The following TANC2 variants were observed in gnomAD, a reference collection of about 807,000 sequenced individuals.
TANC2 encodes the protein protein TANC2.
TANC2 carries 26 observed loss-of-function variants against 210.5 expected under a neutral mutation model. That is an observed-to-expected ratio of 0.12 (90% CI 0.09 to 0.17). The LOEUF (loss-of-function observed/expected upper bound fraction) is 0.17, where lower values mean the gene tolerates loss of function less well. Among genes scored for constraint, TANC2 ranks in the 10% least tolerant of loss-of-function variants. The probability of loss-of-function intolerance (pLI) is 1.00; values close to 1 mark genes in which losing one functional copy is unlikely to be tolerated. For missense variants in TANC2, 2,129 were observed against 2,608.9 expected (o/e 0.82, Z 4.01); for synonymous variants, 931 against 967.1 (o/e 0.96, Z 0.69).
At chr17:63,303,294 G>A (rs1247358411) in intron 9 of TANC2, among the ~76,000 whole-genome samples, 1 of 152,144 alleles carries the variant, frequency 6.6e-6, no homozygotes, top group Non-Finnish European at 1.5e-5. Flanking sequence ...AGGCAGGCCT[G>A]GTGGTGACAA....
intron 2 of TANC2, among the ~76,000 whole-genome samples, chr17:63,070,395 A>G (rs1467570894): frequency 6.6e-6 from 1 of 152,166 alleles, no homozygotes; most frequent in African/African-American, 2.4e-5. Context: ...GATCACCTAG[A>G]GAGAGCCAAG....
intron 7 of TANC2, among the ~76,000 whole-genome samples, chr17:63,203,294 TACCTG>T (rs1158608833): frequency 6.6e-6 from 1 of 152,198 alleles, no homozygotes; most frequent in Non-Finnish European, 1.5e-5. Flanking sequence ...TGTAAAATCT[TACCTG>T]AGCTAAGATG....
intron 4 of TANC2, among the ~76,000 whole-genome samples, chr17:63,111,948 T>C (rs2038064650): frequency 6.6e-6 from 1 of 152,052 alleles, no homozygotes; most frequent in African/African-American, 2.4e-5. Flanking sequence ...ATGGTCTCGA[T>C]CTCCTGACCT....
At chr17:63,067,625 C>A (rs921648649) in intron 2 of TANC2, among the ~76,000 whole-genome samples, 1 of 151,792 alleles carries the variant, frequency 6.6e-6, no homozygotes, top group Non-Finnish European at 1.5e-5. Flanking sequence ...TAAAGAAGAA[C>A]CTAATGAAAA....
At chr17:63,053,721 G>C (rs1171168685) in intron 2 of TANC2, among the ~76,000 whole-genome samples, 1 of 152,116 alleles carries the variant, frequency 6.6e-6, no homozygotes, top group African/African-American at 2.4e-5. Flanking sequence ...ACTGAACTCC[G>C]CATAGTCTCC....
At chr17:63,014,344 T>TC (rs1274632471) in intron 2 of TANC2, among the ~76,000 whole-genome samples, 2 of 152,200 alleles carry the variant, frequency 1.3e-5, no homozygotes, top group Non-Finnish European at 2.9e-5. Context: ...GCTTAGTATC[T>TC]CCAACATCAG....
intron 5 of TANC2, among the ~76,000 whole-genome samples, chr17:63,159,903 A>G (rs902272310): frequency 2.0e-5 from 3 of 152,174 alleles, no homozygotes; most frequent in African/African-American, 7.2e-5. Context: ...TAAACAACAA[A>G]CTACTGTTCA....
intron 9 of TANC2, among the ~76,000 whole-genome samples, chr17:63,276,035 G>A (rs2043861491): frequency 6.6e-6 from 1 of 152,024 alleles, no homozygotes; most frequent in Admixed American, 6.6e-5. Flanking sequence ...TAACCATAAT[G>A]CCAATAAATT....
At position 63,359,770 on chromosome 17, in the gene TANC2, T is replaced by C. The variant is rs561397790; in HGVS notation, c.2582+4380T>C. ...GATGTGGGAGCCTAAGGTTGTGATG[T>C]GGGAGCCTAATTTGGTTTGACCTGA... is the stretch of plus-strand genomic sequence containing the variant. On this transcript the variant is annotated intron_variant, in intron 14 of 27. Coordinates refer to ENST00000689528, the Ensembl canonical transcript of TANC2. Among the ~76,000 whole-genome samples, 4 of 152,308 alleles carry C rather than the reference T, an allele frequency of 2.6e-5. No homozygotes were observed. The East Asian group carries it at 7.7e-4, about 29-fold the overall frequency.
chr17:63,056,111 G>A (rs1473226391), intron 2 of TANC2, among the ~76,000 whole-genome samples: 1 of 140,226 alleles, frequency 7.1e-6, no homozygotes, highest in African/African-American at 2.6e-5. Flanking sequence ...GGAGGTCGAG[G>A]TTATAGTAAG....
rs575559719 is a variant in TANC2 at position 63,181,750 on chromosome 17, C to A, written c.434-12241C>A. On this transcript the variant is annotated intron_variant, in intron 5 of 27. Transcript: ENST00000689528. The stretch of plus-strand genomic sequence containing the variant: ...CAGCCCCCTCTCCAAGTGGATTCAC[C>A]AGCATCTGTCAACCAGAAAAGCTGG... Among the ~76,000 whole-genome samples, 3 of 152,324 alleles carry A rather than the reference C, an allele frequency of 2.0e-5. No homozygotes were observed. The East Asian group carries it at 5.8e-4, about 29-fold the overall frequency.
chr17:62,988,852 A>G lies in TANC2; in HGVS notation c.-23-20685A>G, dbSNP rs2032709800. Reference sequence around the variant, plus strand: ...CTAGCTGCAGTTTTTCAGCATGCCCAGGAACTGAGCATTAGACACCAAAAG... The same window carrying G: ...CTAGCTGCAGTTTTTCAGCATGCCCGGGAACTGAGCATTAGACACCAAAAG... On this transcript the variant is annotated intron_variant, in intron 1 of 27. Transcript: ENST00000689528. Among the ~76,000 whole-genome samples the G allele has an allele frequency of 2.6e-5, 4 of 152,348 alleles. No individual in the cohort carries two copies. The South Asian group carries it at 8.3e-4, about 32-fold the overall frequency.
intron 3 of TANC2, among the ~76,000 whole-genome samples, chr17:63,074,279 C>T (rs977034810): frequency 1.3e-5 from 2 of 151,956 alleles, no homozygotes; most frequent in African/African-American, 2.4e-5. Context: ...CTGGATATCA[C>T]TTTTGGAATG....
At chr17:63,281,154 T>C (rs1387994464) in intron 9 of TANC2, among the ~76,000 whole-genome samples, 1 of 152,094 alleles carries the variant, frequency 6.6e-6, no homozygotes, top group Non-Finnish European at 1.5e-5. Flanking sequence ...ATTTGAAATA[T>C]AGGGACCAAA....
At chr17:63,240,114 A>G (rs936803279) in intron 8 of TANC2, among the ~76,000 whole-genome samples, 2 of 152,222 alleles carry the variant, frequency 1.3e-5, no homozygotes, top group African/African-American at 4.8e-5. Context: ...AGTTCCAGGC[A>G]AGCCTGAGTC....
chr17:63,212,023 T>G (rs565347473), intron 7 of TANC2, among the ~76,000 whole-genome samples: 1 of 152,244 alleles, frequency 6.6e-6, no homozygotes, highest in East Asian at 1.9e-4. Context: ...ATGCTATCCC[T>G]CCTCCAGCCC....
intron 10 of TANC2, among the ~76,000 whole-genome samples, chr17:63,318,632 C>T (rs1353845716): frequency 6.6e-6 from 1 of 152,152 alleles, no homozygotes; most frequent in Non-Finnish European, 1.5e-5. Context: ...TTGGATTTAG[C>T]ATAACATTTT....
chr17:63,004,794 G>T (rs75276856), intron 1 of TANC2: 25 of 348,224 alleles, frequency 7.2e-5, no homozygotes, highest in African/African-American at 3.0e-4. Flanking sequence ...CCCCTTACCC[G>T]CTTTGGGTAC....
At position 63,421,380 on chromosome 17, in the gene TANC2, C is replaced by T. The variant is rs2049019899; in HGVS notation, c.5650C>T (p.Arg1884Trp). ...CACCTCCAACCTAACTCCGACCTTC[C>T]GGCCATCTTCTTCCATCCAGCAAAT... The change falls in exon 28 of 28, where the codon CGG becomes TGG. Residue 1884 changes from arginine (R) to tryptophan (W), a missense_variant. Arg to Trp is a moderately radical substitution (Grantham distance 101, BLOSUM62 -3). Transcript: ENST00000689528. This position sits in a 1 kb window ranked among gnomAD's most constrained non-coding sequence, Gnocchi z 6.9. 2.4e-5 allele frequency: 38 copies of T among 1,613,846 alleles called. No homozygotes were observed. The highest frequency in any genetic ancestry group is 3.1e-5 in the Non-Finnish European group (37 of 1,179,866).
Sources: allele counts gnomAD v4.1 joint callset (sites outside exome capture counted in the v4.1 genomes callset), GRCh38; gene constraint gnomAD v4.1.1; non-coding constraint Gnocchi (gnomAD v3.1); transcripts MANE v1.5; gene names NCBI Gene and HGNC (gene_info 2026-07-23, HGNC 2026-07-21).